Variants in SPEN observed in about 807,000 individuals in gnomAD.
The protein encoded by SPEN is spen family transcriptional repressor.
SPEN carries 18 observed loss-of-function variants against 269.9 expected under a neutral mutation model. The observed-to-expected ratio is 0.07, with a 90% CI of 0.05 to 0.10. The LOEUF (loss-of-function observed/expected upper bound fraction) is 0.10, where lower values mean the gene tolerates loss of function less well. Ranked by LOEUF, SPEN falls within the 10% of genes least tolerant of loss-of-function variation. The pLI is 1.00. For synonymous variants in SPEN, 1,726 were observed against 1,765.7 expected (o/e 0.98, Z 0.56); for missense variants, 3,822 against 4,631.2 (o/e 0.83, Z 5.07).
intron 3 of SPEN, among the ~76,000 whole-genome samples, chr1:15,904,312 T>C (rs536416810): frequency 1.3e-5 from 2 of 151,954 alleles, no homozygotes; most frequent in Non-Finnish European, 2.9e-5. Flanking sequence ...ACCCTGTCTC[T>C]ACTAAAAATA....
intron 10 of SPEN, among the ~76,000 whole-genome samples, chr1:15,927,087 A>G (rs536445528): frequency 1.4e-4 from 21 of 152,376 alleles, no homozygotes; most frequent in Admixed American, 7.8e-4. Flanking sequence ...CGGAGAATGA[A>G]TGAGTGAAGG....
chr1:15,921,451 C>T (rs2071119354), intron 9 of SPEN, among the ~76,000 whole-genome samples: 1 of 152,246 alleles, frequency 6.6e-6, no homozygotes. Flanking sequence ...ATTTTATGCT[C>T]AGCTACTTGT....
chr1:15,872,773 A>T lies in SPEN; in HGVS notation c.84-43A>T. 4 of 1,447,410 alleles carry T rather than the reference A, an allele frequency of 2.8e-6. No individual in the cohort carries two copies. In the South Asian group the frequency reaches 4.8e-5, roughly 17 times the overall value. 89.7% of individuals were successfully genotyped at this position (1,447,410 alleles called of 1,614,324 possible). A position where few individuals can be genotyped will look rare whatever the true frequency, so the allele number is the denominator to read the frequency against. ...AAAAATCTAAAAACTCATTTTGGAA[A>T]ATTATTGATATGCAGCAATAACGTT... is the stretch of plus-strand genomic sequence containing the variant. On this transcript the variant is annotated intron_variant, in intron 1 of 14. Transcript: ENST00000375759.
chr1:15,892,283 C>T (rs2070798125), intron 3 of SPEN, among the ~76,000 whole-genome samples: 1 of 152,170 alleles, frequency 6.6e-6, no homozygotes, highest in Non-Finnish European at 1.5e-5. Flanking sequence ...CTCTGCCTCT[C>T]AGAGTGCTGG....
In SPEN at chr1:15,930,224, A is replaced by G. The variant is rs1472427324; in HGVS notation, c.3984A>G (p.Leu1328=). 3 of 1,614,174 alleles carry G rather than the reference A, an allele frequency of 1.9e-6. No homozygotes were observed. Among genetic ancestry groups the G allele is most frequent in the East Asian group, 4.5e-5 (2 of 44,882 alleles). Residue 1328 remains leucine, a synonymous_variant, in exon 11 of 15, where the codon CTA becomes CTG. Transcript: ENST00000375759. The surrounding 1 kb of genome is among the most constrained non-coding windows in gnomAD (Gnocchi z 5.3). ...EQMADMAKIK[L]SVLNSEDELN... ...TGGCAGATATGGCCAAAATAAAACTATCTGTCTTGAATTCTGAAGATGAAC... is the reference window on the plus strand; with the variant it reads ...TGGCAGATATGGCCAAAATAAAACTGTCTGTCTTGAATTCTGAAGATGAAC...
chr1:15,938,625 T>TG, intron 13 of SPEN, 93 bp from the exon 14 acceptor site: 1 of 818,970 alleles, frequency 1.2e-6, no homozygotes, highest in Non-Finnish European at 1.7e-6. Context: ...ATCTCAGAGG[T>TG]GGGGGTTTTT....
chr1:15,850,243 A>G (rs1377154987), intron 1 of SPEN, among the ~76,000 whole-genome samples: 3 of 152,154 alleles, frequency 2.0e-5, no homozygotes, highest in Non-Finnish European at 4.4e-5. Context: ...CTGGAGGAAC[A>G]TTACTGTATT....
chr1:15,883,049 T>C (rs1437740937), intron 3 of SPEN, among the ~76,000 whole-genome samples: 1 of 152,172 alleles, frequency 6.6e-6, no homozygotes, highest in African/African-American at 2.4e-5. Flanking sequence ...CCACCAGAGA[T>C]TGGAATTTTA....
chr1:15,914,423 ATTG>A (rs2071038266), intron 5 of SPEN, among the ~76,000 whole-genome samples: 1 of 152,174 alleles, frequency 6.6e-6, no homozygotes, highest in African/African-American at 2.4e-5. Context: ...GTTTCCTATA[ATTG>A]TTATCAACAA....
At position 15,936,047 on chromosome 1, in the gene SPEN, C is replaced by T. The variant is rs773765349; in HGVS notation, c.9807C>T (p.Ile3269=). The T allele has an allele frequency of 1.9e-6, 3 of 1,573,210 alleles. No homozygotes were observed. Among genetic ancestry groups the T allele is most frequent in the Admixed American group, 1.7e-5 (1 of 57,764 alleles). ...CTGCCCCTCATGGTGAGGCCCGTAT[C>T]CTCACAGTTACCCCCAGTAACCAAC... is the stretch of plus-strand genomic sequence containing the variant. ...PAPAPHGEAR[I]LTVTPSNQLQ... The change falls in exon 11 of 15, where the codon ATC becomes ATT. Residue 3269 remains isoleucine, a synonymous_variant. Coordinates refer to ENST00000375759, the MANE Select transcript of SPEN (RefSeq NM_015001.3).
rs992224619 is a variant in SPEN at position 15,932,624 on chromosome 1, A to G, written c.6384A>G (p.Gln2128=). 3.1e-6 allele frequency: 5 copies of G among 1,610,628 alleles called. No individual in the cohort carries two copies. The highest frequency in any genetic ancestry group is 4.2e-6 in the Non-Finnish European group (5 of 1,177,788). Residue 2128 remains glutamine (Q), a synonymous_variant, in exon 11 of 15, where the codon CAA becomes CAG. Transcript: ENST00000375759. This position sits in a 1 kb window ranked among gnomAD's most constrained non-coding sequence, Gnocchi z 4.2. ...AVSPEKSESP[Q]KEDGLSSQLK... ...CCCCTGAGAAAAGTGAGAGTCCCCAAAAGGAGGATGGTTTATCATCCCAGT... is the reference window on the plus strand; with the variant it reads ...CCCCTGAGAAAAGTGAGAGTCCCCAGAAGGAGGATGGTTTATCATCCCAGT...
intron 5 of SPEN, among the ~76,000 whole-genome samples, 160 bp from the exon 6 acceptor site, chr1:15,915,968 G>A (rs1360738734): frequency 2.6e-5 from 4 of 152,042 alleles, no homozygotes; most frequent in Non-Finnish European, 5.9e-5. Flanking sequence ...TTAATAAGGG[G>A]TGGCTATTTC....
intron 3 of SPEN, among the ~76,000 whole-genome samples, chr1:15,884,892 A>G (rs1186640284): frequency 6.6e-6 from 1 of 151,620 alleles, no homozygotes; most frequent in Non-Finnish European, 1.5e-5. Context: ...CCACCAGCTA[A>G]TTTTTGTATT....
At position 15,935,179 on chromosome 1, in the gene SPEN, C is replaced by A; in HGVS notation, c.8939C>A (p.Ser2980Tyr). ...GTCCTTCAGCCGGCCAACCTGGGGT[C>A]CACGCTCACGCCCCACCACCCTCCT... is the stretch of plus-strand genomic sequence containing the variant. The part of the protein sequence containing the change: ...TKVLQPANLG[S>Y]TLTPHHPPAL... Residue 2980 changes from serine (S) to tyrosine (Y), a missense_variant, in exon 11 of 15, where the codon TCC becomes TAC. Around this residue, in one of 16 missense-constraint regions of SPEN, gnomAD observed 94 missense variants for 90.4 expected, o/e 1.04. Transcript: ENST00000375759. The surrounding 1 kb of genome is among the most constrained non-coding windows in gnomAD (Gnocchi z 7.7). 6.2e-7 allele frequency: 1 copy of A among 1,614,000 alleles called. No homozygotes were observed. The highest frequency in any genetic ancestry group is 8.5e-7 in the Non-Finnish European group (1 of 1,179,946).
In SPEN at chr1:15,936,397, G is replaced by A. The variant is rs922100985; in HGVS notation, c.10026+131G>A. 8 of 1,321,664 alleles carry A rather than the reference G, an allele frequency of 6.1e-6. No individual in the cohort carries two copies. The African/African-American group carries it at 8.9e-5, about 15-fold the overall frequency. 81.9% of individuals were successfully genotyped at this position (1,321,664 alleles called of 1,614,324 possible). On this transcript the variant is annotated intron_variant, in intron 11 of 14. Coordinates refer to ENST00000375759, the MANE Select transcript of SPEN (RefSeq NM_015001.3). ...GGCTTATGCCTGTAATCCCAGCACT[G>A]TGGGAGGCCCAGATGGGAGGACTGC...
At chr1:15,875,725 A>G (rs550521217) in intron 2 of SPEN, among the ~76,000 whole-genome samples, 1 of 152,298 alleles carries the variant, frequency 6.6e-6, no homozygotes, top group South Asian at 2.1e-4. Flanking sequence ...AGTCCTTCCT[A>G]TTGTTGAGAC....
In SPEN at chr1:15,928,864, T is replaced by C. The variant is rs745795335; in HGVS notation, c.2624T>C (p.Met875Thr). The change falls in exon 11 of 15, where the codon ATG becomes ACG. Residue 875 changes from methionine (M) to threonine (T), a missense_variant. Coordinates refer to ENST00000375759, the MANE Select transcript of SPEN (RefSeq NM_015001.3). The surrounding 1 kb of genome is among the most constrained non-coding windows in gnomAD (Gnocchi z 5.7). ...EGIAKNRLEL[M>T]PCVVLTRVKE... Reference sequence around the variant, plus strand: ...ATAGCGAAAAACCGCCTGGAACTCATGCCTTGCGTGGTTTTGACTCGAGTG... The same window carrying C: ...ATAGCGAAAAACCGCCTGGAACTCACGCCTTGCGTGGTTTTGACTCGAGTG... 3 of 1,614,030 alleles carry C rather than the reference T, an allele frequency of 1.9e-6. No homozygotes were observed. Among genetic ancestry groups the C allele is most frequent in the Admixed American group, 1.7e-5 (1 of 59,998 alleles).
chr1:15,883,964 C>T (rs992224235), intron 3 of SPEN, among the ~76,000 whole-genome samples: 1 of 151,830 alleles, frequency 6.6e-6, no homozygotes, highest in Non-Finnish European at 1.5e-5. Flanking sequence ...CGCCCGCCAC[C>T]CCGCCCGGAT....
At chr1:15,910,402 C>T (rs184930133) in intron 4 of SPEN, among the ~76,000 whole-genome samples, 8 of 152,160 alleles carry the variant, frequency 5.3e-5, no homozygotes, top group Non-Finnish European at 8.8e-5. Flanking sequence ...ACTTCTCACA[C>T]AATTTTATCA....
Sources: gnomAD v4.1 joint callset for allele counts (sites outside exome capture counted in the v4.1 genomes callset) on GRCh38, gnomAD v4.1.1 for gene constraint, gnomAD v4.1.1 regional missense constraint, Gnocchi (gnomAD v3.1) non-coding constraint, MANE v1.5 for transcripts, NCBI Gene and HGNC (gene_info 2026-07-23, HGNC 2026-07-21) for gene names.